SLCO5A1: variants seen among roughly 807,000 people sequenced by gnomAD.
The protein encoded by SLCO5A1 is organic anion transporter polypeptide-related protein 4.
SLCO5A1 carries 39 observed loss-of-function variants against 65.1 expected under a neutral mutation model. The ratio of observed to expected loss-of-function variants is 0.60; its 90% CI spans 0.46 to 0.78. The LOEUF is 0.78. Among genes scored for constraint, SLCO5A1 ranks in the 30% least tolerant of loss-of-function variants. The pLI, the probability that SLCO5A1 is intolerant of heterozygous loss-of-function variation, is 0.00. For synonymous variants in SLCO5A1, 438 were observed against 415.7 expected, an observed-to-expected ratio of 1.05 and a Z score of -0.65; for missense variants, 1,029 against 1,069.4, an observed-to-expected ratio of 0.96 and a Z score of 0.53.
rs1224400860 is a variant in SLCO5A1, at chr8:69,669,418, G to A, written c.*3451C>T. On this transcript the variant is annotated 3_prime_UTR_variant, in exon 10 of 10. Coordinates refer to ENST00000260126, the MANE Select transcript of SLCO5A1 (RefSeq NM_030958.3). ...TGCGTAGTGTAAAAAATGAATAATG[G>A]AGTGAGAGAAATCTATGTCTGAATC... 6.6e-6 allele frequency: 1 copy of A among 152,148 alleles called. No individual in the cohort carries two copies. The highest frequency in any genetic ancestry group is 1.5e-5 in the Non-Finnish European group (1 of 68,028). The allele number at this position is 152,148 out of a possible 1,614,324, so 9.4% of individuals were successfully genotyped here.
chr8:69,704,945 T>A, intron 6 of SLCO5A1, 86 bp downstream of exon 6: 1 of 1,233,578 alleles, frequency 8.1e-7, no homozygotes, highest in East Asian at 2.3e-5. Context: ...GAGGGAGGGG[T>A]ATGAGGCTGA....
Position 69,681,186 on chromosome 8 carries a change from G to T in SLCO5A1, c.1782+998C>A, listed in dbSNP as rs568497024. Among the ~76,000 whole-genome samples the T allele has an allele frequency of 2.0e-5, 3 of 152,338 alleles. No homozygotes were observed. The South Asian group carries it at 6.2e-4, about 32-fold the overall frequency. Reference sequence around the variant, plus strand: ...AAACAATATCCCCAAAACATTCAGTGGATGGTATAATCCCTTATCACCTGC... The same window carrying T: ...AAACAATATCCCCAAAACATTCAGTTGATGGTATAATCCCTTATCACCTGC... On this transcript the variant is annotated intron_variant, in intron 7 of 9. Coordinates refer to ENST00000260126, the MANE Select transcript of SLCO5A1 (RefSeq NM_030958.3).
intron 2 of SLCO5A1, among the ~76,000 whole-genome samples, chr8:69,826,310 C>T (rs1195061351): frequency 6.6e-6 from 1 of 151,648 alleles, no homozygotes; most frequent in Non-Finnish European, 1.5e-5. Context: ...AGCTTCTGCA[C>T]AGCAAAAGAA....
intron 4 of SLCO5A1, among the ~76,000 whole-genome samples, chr8:69,742,524 A>G (rs1264018932): frequency 1.3e-5 from 2 of 152,218 alleles, no homozygotes; most frequent in Admixed American, 1.3e-4. Context: ...AACACAAAGC[A>G]CCAAAATTCA....
intron 9 of SLCO5A1, among the ~76,000 whole-genome samples, chr8:69,673,874 T>C (rs1281782474): frequency 6.6e-6 from 1 of 152,200 alleles, no homozygotes; most frequent in Non-Finnish European, 1.5e-5. Context: ...AAAGCACTTA[T>C]AAATCTAAGA....
intron 2 of SLCO5A1, among the ~76,000 whole-genome samples, chr8:69,796,651 T>C (rs1480454736): frequency 3.4e-5 from 5 of 147,072 alleles, no homozygotes; most frequent in Admixed American, 2.7e-4. Context: ...CACACACACA[T>C]ATATACATGT....
chr8:69,691,885 T>C (rs1814275979), intron 6 of SLCO5A1, among the ~76,000 whole-genome samples: 1 of 152,194 alleles, frequency 6.6e-6, no homozygotes, highest in South Asian at 2.1e-4. Context: ...ATTTGTGTAC[T>C]GAATACCATA....
chr8:69,728,038 A>G (rs1816163320), intron 5 of SLCO5A1, among the ~76,000 whole-genome samples: 1 of 152,208 alleles, frequency 6.6e-6, no homozygotes, highest in African/African-American at 2.4e-5. Context: ...GAATGGAAAC[A>G]ACCAAACGCC....
In SLCO5A1 at chr8:69,670,130, T is replaced by C. The variant is rs1305721370; in HGVS notation, c.*2739A>G. ...ATTAATAGGATGAACTCAAGGATAT[T>C]GTATTTGCATATTAAAGCTAAATAA... On this transcript the variant is annotated 3_prime_UTR_variant, in exon 10 of 10. Transcript: ENST00000260126. 1 of 152,200 alleles carries C rather than the reference T, an allele frequency of 6.6e-6. No individual in the cohort carries two copies. The highest frequency in any genetic ancestry group is 2.4e-5 in the African/African-American group (1 of 41,440). The allele number at this position is 152,200 out of a possible 1,614,324, so 9.4% of individuals were successfully genotyped here.
chr8:69,676,763 G>A lies in SLCO5A1; in HGVS notation c.2025-90C>T, dbSNP rs952481358. On this transcript the variant is annotated intron_variant, in intron 8 of 9. Transcript: ENST00000260126. ...CAAGTCGGCTTTGTGCAGAGCCAGG[G>A]ACTAAAGATGCCATGCCAAAATATT... 35 of 1,018,112 alleles carry A rather than the reference G, an allele frequency of 3.4e-5. No homozygotes were observed. In the African/African-American group the frequency reaches 3.9e-4, roughly 11 times the overall value. 63.1% of individuals were successfully genotyped at this position (1,018,112 alleles called of 1,614,324 possible).
At chr8:69,741,910 C>T (rs936820073) in intron 4 of SLCO5A1, among the ~76,000 whole-genome samples, 20 of 152,262 alleles carry the variant, frequency 1.3e-4, no homozygotes, top group Non-Finnish European at 2.5e-4. Flanking sequence ...AAAAACTAAA[C>T]GCATGTGATC....
At chr8:69,792,880 C>G (rs1277763656) in intron 2 of SLCO5A1, among the ~76,000 whole-genome samples, 2 of 151,580 alleles carry the variant, frequency 1.3e-5, no homozygotes, top group African/African-American at 2.4e-5. Context: ...GTGGTATACT[C>G]TTTGGAAAAA....
chr8:69,718,593 A>T (rs561572733), intron 5 of SLCO5A1, among the ~76,000 whole-genome samples: 31 of 152,318 alleles, frequency 2.0e-4, no homozygotes, highest in African/African-American at 6.7e-4. Flanking sequence ...TTGAGCTAAA[A>T]TTCATAAATT....
intron 7 of SLCO5A1, 112 bp from the exon 8 acceptor site, chr8:69,679,731 CA>C: frequency 7.0e-7 from 1 of 1,421,688 alleles, no homozygotes; most frequent in Non-Finnish European, 9.5e-7. Context: ...AATATTTTTT[CA>C]AACACAAAAT....
chr8:69,784,954 A>G (rs1214001459), intron 2 of SLCO5A1, among the ~76,000 whole-genome samples: 1 of 139,712 alleles, frequency 7.2e-6, no homozygotes, highest in Non-Finnish European at 1.6e-5. Flanking sequence ...AAGAAAGAAG[A>G]AAGGAAGGAA....
intron 6 of SLCO5A1, among the ~76,000 whole-genome samples, chr8:69,696,116 T>C (rs1232742854): frequency 6.6e-6 from 1 of 152,150 alleles, no homozygotes; most frequent in Non-Finnish European, 1.5e-5. Context: ...CCAGCAGCAG[T>C]TGATTCAGGA....
rs956443080 is a variant in SLCO5A1, at chr8:69,670,977, G to A, written c.*1892C>T. 4 of 152,220 alleles carry A rather than the reference G, an allele frequency of 2.6e-5. No individual in the cohort carries two copies. Among genetic ancestry groups the A allele is most frequent in the Non-Finnish European group, 5.9e-5 (4 of 68,088 alleles). The allele number at this position is 152,220 out of a possible 1,614,324, so 9.4% of individuals were successfully genotyped here. On this transcript the variant is annotated 3_prime_UTR_variant, in exon 10 of 10. Coordinates refer to ENST00000260126, the MANE Select transcript of SLCO5A1 (RefSeq NM_030958.3). ...TCAGCAAGGTTTTCTTAATCAGCAA[G>A]ATTTTTTGAATACTTCCAATATATG... is the stretch of plus-strand genomic sequence containing the variant.
intron 4 of SLCO5A1, among the ~76,000 whole-genome samples, chr8:69,742,030 A>G (rs1276104287): frequency 6.6e-6 from 1 of 152,160 alleles, no homozygotes; most frequent in African/African-American, 2.4e-5. Context: ...CCTGATTCTT[A>G]TGGCTGTCCT....
chr8:69,685,131 G>T (rs1407762984), intron 6 of SLCO5A1, among the ~76,000 whole-genome samples: 1 of 152,294 alleles, frequency 6.6e-6, no homozygotes, highest in Non-Finnish European at 1.5e-5. Flanking sequence ...GAAAGGAAGT[G>T]GGCATTCATG....
Sources: allele counts gnomAD v4.1 joint callset (sites outside exome capture counted in the v4.1 genomes callset), GRCh38; gene constraint gnomAD v4.1.1; transcripts MANE v1.5; gene names NCBI Gene and HGNC (gene_info 2026-07-23, HGNC 2026-07-21).